LMAN1L: variants seen among roughly 807,000 people sequenced by gnomAD.
The protein encoded by LMAN1L is lectin, mannose binding 1 like.
LMAN1L carries 60 observed loss-of-function variants against 58.3 expected under a neutral mutation model. That is an observed-to-expected ratio of 1.03 (90% CI 0.84 to 1.27). The LOEUF (loss-of-function observed/expected upper bound fraction) is 1.27. Among genes scored for constraint, LMAN1L ranks in the 50% most tolerant of loss-of-function variants. The probability of loss-of-function intolerance (pLI) is 0.00; values close to 1 mark genes in which losing one functional copy is unlikely to be tolerated. For missense variants in LMAN1L, 629 were observed against 674.0 expected (o/e 0.93, Z 0.74); for synonymous variants, 280 against 271.6 (o/e 1.03, Z -0.31).
chr15:74,812,946 G>T lies in LMAN1L; in HGVS notation c.92G>T (p.Arg31Leu), dbSNP rs142530301. The T allele has an allele frequency of 1.2e-6, 2 of 1,614,104 alleles. No homozygotes were observed. Among genetic ancestry groups the T allele is most frequent in the Non-Finnish European group, 1.7e-6 (2 of 1,179,992 alleles). Residue 31 changes from arginine to leucine, a missense_variant, in exon 1 of 14, where the codon CGC becomes CTC. Around this residue, in one of 3 missense-constraint regions of LMAN1L, gnomAD observed 573 missense variants for 597.3 expected, o/e 0.96. Coordinates refer to ENST00000309664, the MANE Select transcript of LMAN1L (RefSeq NM_021819.3). ...CCTGAGACGGGGTGTCCTCCTCTAC[G>T]CAGGTTTGAGTACAAGCTCAGCTTC... ...HSPETGCPPL[R>L]RFEYKLSFKG...
Position 74,823,681 on chromosome 15 carries a change from C to G in LMAN1L, c.1322C>G (p.Ala441Gly). The change falls in exon 12 of 14, where the codon GCG becomes GGG. Residue 441 changes from alanine to glycine, a missense_variant and splice_region_variant. Ala to Gly is a moderately conservative substitution (Grantham distance 60, BLOSUM62 0). Around this residue, in one of 3 missense-constraint regions of LMAN1L, gnomAD observed 573 missense variants for 597.3 expected, o/e 0.96. Transcript: ENST00000309664. Reference sequence around the variant, plus strand: ...CTGCAGGAGGAGCTTCGGGGCCCGGCGGTGAGGGGAAAGTAGTGGGCAGCA... The same window carrying G: ...CTGCAGGAGGAGCTTCGGGGCCCGGGGGTGAGGGGAAAGTAGTGGGCAGCA... ...GLLQEELRGP[A>G]KAAAKAPRPP... 1 of 1,612,820 alleles carries G rather than the reference C, an allele frequency of 6.2e-7. No individual in the cohort carries two copies. Among genetic ancestry groups the G allele is most frequent in the Middle Eastern group, 1.7e-4 (1 of 5,952 alleles).
chr15:74,821,061 G>T lies in LMAN1L; in HGVS notation c.908-14G>T. 2 of 1,569,160 alleles carry T rather than the reference G, an allele frequency of 1.3e-6. No homozygotes were observed. Among genetic ancestry groups the T allele is most frequent in the Non-Finnish European group, 1.7e-6 (2 of 1,157,296 alleles). ...ATGGCTGGCTGCCCATCCCAGCTCT[G>T]CCCTAATCCCCAGGGGAAAGGCTCT... On this transcript the variant is annotated splice_polypyrimidine_tract_variant and intron_variant, in intron 8 of 13. Coordinates refer to ENST00000309664, the MANE Select transcript of LMAN1L (RefSeq NM_021819.3).
At chr15:74,819,865 C>A (rs1241414610) in intron 6 of LMAN1L, 179 bp from the exon 7 acceptor site, 3 of 655,876 alleles carry the variant, frequency 4.6e-6, no homozygotes, top group Non-Finnish European at 8.4e-6. Context: ...CCTCACCACC[C>A]ACCCGTCTAC....
rs200152912 is a variant in LMAN1L, at chr15:74,824,338, T to A, written c.1324-13T>A. 18 of 1,613,398 alleles carry A rather than the reference T, an allele frequency of 1.1e-5. No homozygotes were observed. Among genetic ancestry groups the A allele is most frequent in the Non-Finnish European group, 1.5e-5 (18 of 1,179,636 alleles). ...AAGAAGCTAAGCTAGGACCTTAGAC[T>A]TTCCCCTTTCAGAAGGCAGCAGCCA... is the stretch of plus-strand genomic sequence containing the variant. On this transcript the variant is annotated splice_polypyrimidine_tract_variant and intron_variant, in intron 12 of 13. Transcript: ENST00000309664.
At chr15:74,814,755 T>A (rs2063883400) in intron 1 of LMAN1L, among the ~76,000 whole-genome samples, 1 of 151,582 alleles carries the variant, frequency 6.6e-6, no homozygotes, top group South Asian at 2.1e-4. Context: ...ATGATCCGCC[T>A]GCCTCGGCTT....
chr15:74,816,468 C>T lies in LMAN1L; in HGVS notation c.372C>T (p.Val124=). Residue 124 remains valine, a synonymous_variant, in exon 3 of 14, where the codon GTC becomes GTT. Transcript: ENST00000309664. ...GGGGCAGGGGCCATGTAGGCTCTGT[C>T]CTTGGGGGGCTGGCTTCGTGGGACG... The part of the protein sequence containing the change: ...YTRGRGHVGS[V]LGGLASWDGI... 6.4e-7 allele frequency: 1 copy of T among 1,553,006 alleles called. No homozygotes were observed. The highest frequency in any genetic ancestry group is 8.7e-7 in the Non-Finnish European group (1 of 1,145,944).
At chr15:74,824,581 C>CTCGGCAGGTCCCCT in intron 13 of LMAN1L, 103 bp downstream of exon 13, 1 of 1,320,798 alleles carries the variant, frequency 7.6e-7, no homozygotes, top group Non-Finnish European at 1.1e-6. Context: ...TCAGAGGGGA[C>CTCGGCAGGTCCCCT]CTGCCGAGTC....
chr15:74,819,865 C>T, intron 6 of LMAN1L, 179 bp from the exon 7 acceptor site: 2 of 655,876 alleles, frequency 3.0e-6, no homozygotes, highest in South Asian at 3.5e-5. Context: ...CCTCACCACC[C>T]ACCCGTCTAC....
chr15:74,821,375 T>C lies in LMAN1L; in HGVS notation c.1059+149T>C, dbSNP rs925958171. On this transcript the variant is annotated intron_variant, in intron 9 of 13. Transcript: ENST00000309664. ...GGTCACAGGATGGGGCAGGGCAGCATGCAGGATGGCATCTCTGCACAAGCA... is the reference window on the plus strand; with the variant it reads ...GGTCACAGGATGGGGCAGGGCAGCACGCAGGATGGCATCTCTGCACAAGCA... 1.2e-5 allele frequency: 12 copies of C among 999,202 alleles called. No homozygotes were observed. The East Asian group carries it at 2.6e-4, about 22-fold the overall frequency. 61.9% of individuals were successfully genotyped at this position (999,202 alleles called of 1,614,324 possible).
intron 4 of LMAN1L, among the ~76,000 whole-genome samples, chr15:74,817,911 G>T (rs1432807782): frequency 6.6e-6 from 1 of 151,868 alleles, no homozygotes; most frequent in Non-Finnish European, 1.5e-5. Flanking sequence ...TACTCGGGAG[G>T]CTGAGGCAGG....
In LMAN1L at chr15:74,822,670, ATGG is replaced by A; in HGVS notation, c.1161_1163del (p.His387_Gly388delinsGln). On this transcript the variant is annotated inframe_deletion, in exon 11 of 14. Transcript: ENST00000309664. ...TCTGCCAAGGTCGGTGCCCTGCTCC[ATGG>A]ACAGTGGACTCTGCTCCAGGCCCTG... is the stretch of plus-strand genomic sequence containing the variant. 2 of 1,614,100 alleles carry A rather than the reference ATGG, an allele frequency of 1.2e-6. No individual in the cohort carries two copies. Among genetic ancestry groups the A allele is most frequent in the Non-Finnish European group, 1.7e-6 (2 of 1,179,998 alleles).
At chr15:74,822,820 A>T in intron 11 of LMAN1L, 111 bp downstream of exon 11, 1 of 757,774 alleles carries the variant, frequency 1.3e-6, no homozygotes, top group Non-Finnish European at 2.3e-6. Flanking sequence ...ACAGCCTGTC[A>T]ATTGGAAGGG....
rs561548142 is a variant in LMAN1L at position 74,825,318 on chromosome 15, G to A, written c.1452-158G>A. On this transcript the variant is annotated intron_variant, in intron 13 of 13. Transcript: ENST00000309664. ...GACCTTACATGCCCAGGGGGAAAGCGTGGACCATATGCAGCGGGCCAAAGG... is the reference window on the plus strand; with the variant it reads ...GACCTTACATGCCCAGGGGGAAAGCATGGACCATATGCAGCGGGCCAAAGG... 1.4e-4 allele frequency: 99 copies of A among 732,776 alleles called. No individual in the cohort carries two copies. In the African/African-American group the frequency reaches 1.4e-3, roughly 10 times the overall value. 45.4% of individuals were successfully genotyped at this position (732,776 alleles called of 1,614,324 possible).
intron 13 of LMAN1L, 63 bp downstream of exon 13, chr15:74,824,541 C>T: frequency 1.3e-6 from 2 of 1,592,074 alleles, no homozygotes; most frequent in Admixed American, 1.7e-5. Flanking sequence ...CAGCTATAAC[C>T]ATTGGATTTA....
Position 74,818,725 on chromosome 15 carries a change from G to A in LMAN1L, c.505G>A (p.Ala169Thr). The change falls in exon 5 of 14, where the codon GCT becomes ACT. Residue 169 changes from alanine to threonine, a missense_variant. By Grantham distance (58) the Ala-to-Thr change is moderately conservative (BLOSUM62 0). Coordinates refer to ENST00000309664, the MANE Select transcript of LMAN1L (RefSeq NM_021819.3). Reference protein sequence around the residue: ...HIPSEQPGDGASQGLGSCHWD... With the variant: ...HIPSEQPGDGTSQGLGSCHWD... ...TGAACAAACTGCCCACAGGGATGGA[G>A]CTAGCCAAGGGCTGGGCTCCTGTCA... is the stretch of plus-strand genomic sequence containing the variant. The A allele has an allele frequency of 6.2e-7, 1 of 1,607,560 alleles. No homozygotes were observed. Among genetic ancestry groups the A allele is most frequent in the Non-Finnish European group, 8.5e-7 (1 of 1,177,382 alleles).
intron 6 of LMAN1L, 168 bp from the exon 7 acceptor site, chr15:74,819,876 C>G (rs2063908754): frequency 1.5e-6 from 1 of 679,204 alleles, no homozygotes; most frequent in South Asian, 1.7e-5. Flanking sequence ...ACCCGTCTAC[C>G]TGTCAACCCT....
intron 6 of LMAN1L, chr15:74,819,546 GA>G: frequency 3.8e-6 from 2 of 525,760 alleles, no homozygotes; most frequent in Admixed American, 3.2e-5. Context: ...GGGCATTTAG[GA>G]AAATGGAGCA....
rs776229837 is a variant in LMAN1L, at chr15:74,818,621, C to A, written c.498-97C>A. On this transcript the variant is annotated intron_variant, in intron 4 of 13. Transcript: ENST00000309664. Reference sequence around the variant, plus strand: ...AGGTGGGAGGATCACTTGAGCCCAGCAGGCAGAAGTTGCAATGAGCCACAA... The same window carrying A: ...AGGTGGGAGGATCACTTGAGCCCAGAAGGCAGAAGTTGCAATGAGCCACAA... 2.2e-5 allele frequency: 19 copies of A among 862,496 alleles called. 1 individual carries two copies. The South Asian group carries it at 2.4e-4, about 11-fold the overall frequency. The allele number at this position is 862,496 out of a possible 1,614,324, so 53.4% of individuals were successfully genotyped here.
At position 74,816,267 on chromosome 15, in the gene LMAN1L, C is replaced by G; in HGVS notation, c.286C>G (p.Gln96Glu). The G allele has an allele frequency of 6.2e-7, 1 of 1,611,098 alleles. No homozygotes were observed. The highest frequency in any genetic ancestry group is 1.3e-5 in the African/African-American group (1 of 75,004). The part of the protein sequence containing the change: ...VPFSAWEVEV[Q>E]MRVTGLGRRG... ...CTTCTCTGCCTGGGAAGTAGAGGTGCAGATGAGGGTGACGGGACTGGGGCG... is the reference window on the plus strand; with the variant it reads ...CTTCTCTGCCTGGGAAGTAGAGGTGGAGATGAGGGTGACGGGACTGGGGCG... Residue 96 changes from glutamine (Q) to glutamate (E), a missense_variant, in exon 2 of 14, where the codon CAG (glutamine) becomes GAG (glutamate). Gln to Glu is a conservative substitution (Grantham distance 29, BLOSUM62 2). Transcript: ENST00000309664.
Sources: gnomAD v4.1 joint callset for allele counts (sites outside exome capture counted in the v4.1 genomes callset) on GRCh38, gnomAD v4.1.1 for gene constraint, gnomAD v4.1.1 regional missense constraint, MANE v1.5 for transcripts, NCBI Gene and HGNC (gene_info 2026-07-23, HGNC 2026-07-21) for gene names.